The following ASTN1 variants were observed in gnomAD, a reference collection of about 807,000 sequenced individuals.
ASTN1 encodes the protein astrotactin 1, also known as astrotactin-1.
A neutral mutation model predicts 140.7 loss-of-function variants in ASTN1; 41 were observed. The observed-to-expected ratio is 0.29, with a 90% CI of 0.23 to 0.38. ASTN1 has a LOEUF of 0.38. ASTN1 is among the 10% of genes least tolerant of loss of function. The pLI is 1.00. For missense variants in ASTN1, 1,479 were observed against 1,678.8 expected, an observed-to-expected ratio of 0.88 and a Z score of 2.08; for synonymous variants, 640 against 652.2, an observed-to-expected ratio of 0.98 and a Z score of 0.29.
intron 8 of ASTN1, among the ~76,000 whole-genome samples, chr1:176,972,104 C>T (rs1056175325): frequency 7.2e-5 from 11 of 152,144 alleles, no homozygotes; most frequent in African/African-American, 2.4e-4. Flanking sequence ...AATTATAATA[C>T]AATGGTAAAT....
downstream of ASTN1, among the ~76,000 whole-genome samples, chr1:176,859,847 A>G (rs1447050944): frequency 6.6e-6 from 1 of 152,236 alleles, no homozygotes; most frequent in African/African-American, 2.4e-5. Flanking sequence ...ATTATGTTAC[A>G]TAATTTGGTG....
intron 1 of ASTN1, among the ~76,000 whole-genome samples, chr1:177,129,643 T>C (rs115570501): frequency 1.3e-5 from 2 of 152,338 alleles, no homozygotes; most frequent in South Asian, 2.1e-4. Flanking sequence ...TCATGCTATA[T>C]TCTCTTCCTT....
rs533309337 is a variant in ASTN1 at position 176,971,289 on chromosome 1, T to C, written c.1524-6052A>G. 2.0e-5 allele frequency among the ~76,000 whole-genome samples: 3 copies of C among 152,304 alleles called. No homozygotes were observed. The South Asian group carries it at 6.2e-4, about 32-fold the overall frequency. On this transcript the variant is annotated intron_variant, in intron 8 of 22. Transcript: ENST00000361833. ...CACATGCCTCAATTTATCCTAATGATAAGATGGGGAGATTATTACATGTCA... is the reference window on the plus strand; with the variant it reads ...CACATGCCTCAATTTATCCTAATGACAAGATGGGGAGATTATTACATGTCA...
chr1:176,999,269 T>C (rs1432310759), intron 8 of ASTN1, among the ~76,000 whole-genome samples: 1 of 152,128 alleles, frequency 6.6e-6, no homozygotes, highest in Non-Finnish European at 1.5e-5. Context: ...AATCCAAAGA[T>C]GTCTAGGAGC....
chr1:177,153,606 C>T (rs1409253798), intron 1 of ASTN1, among the ~76,000 whole-genome samples: 2 of 152,068 alleles, frequency 1.3e-5, no homozygotes, highest in Non-Finnish European at 2.9e-5. Flanking sequence ...ATGATGAATA[C>T]TTCTATAACT....
At chr1:177,133,998 T>C (rs1400008144) in intron 1 of ASTN1, among the ~76,000 whole-genome samples, 1 of 152,186 alleles carries the variant, frequency 6.6e-6, no homozygotes, top group Non-Finnish European at 1.5e-5. Context: ...CCTACAGTAG[T>C]CACCCAGGGA....
chr1:176,965,136 T>A (rs1184438876), intron 9 of ASTN1, 27 bp downstream of exon 9: 3 of 1,607,510 alleles, frequency 1.9e-6, no homozygotes, highest in Admixed American at 3.3e-5. Flanking sequence ...CAGACGTACA[T>A]AAGCAAGTCC....
At chr1:176,859,249 G>T (rs908285291), downstream of ASTN1, among the ~76,000 whole-genome samples, 7 of 152,004 alleles carry the variant, frequency 4.6e-5, no homozygotes, top group Admixed American at 4.6e-4. Context: ...TTCCTATCTG[G>T]GCTCTAAGGT....
intron 1 of ASTN1, among the ~76,000 whole-genome samples, chr1:177,145,944 T>C (rs545610333): frequency 4.7e-4 from 71 of 152,282 alleles, no homozygotes; most frequent in African/African-American, 1.7e-3. Flanking sequence ...TAAAAATTAT[T>C]GAGAATCACA....
intron 11 of ASTN1, among the ~76,000 whole-genome samples, chr1:176,952,435 C>A (rs1173813782): frequency 6.6e-6 from 1 of 152,014 alleles, no homozygotes; most frequent in Non-Finnish European, 1.5e-5. Context: ...ATTATCCCTA[C>A]TGCACTGGAA....
Position 177,023,412 on chromosome 1 carries a change from G to A in ASTN1, c.1430C>T (p.Pro477Leu), listed in dbSNP as rs1161068737. Residue 477 changes from proline to leucine, a missense_variant, in exon 7 of 23, where the codon CCC (proline) becomes CTC (leucine). Transcript: ENST00000361833. ...LLDPCEHQCD[P>L]ETGECLCYEG... ...CCGGTGCTCCCGCCTACCAGTTTCG[G>A]GGTCACATTGGTGTTCACAGGGGTC... 3 of 1,593,158 alleles carry A rather than the reference G, an allele frequency of 1.9e-6. No individual in the cohort carries two copies. The Admixed American group carries it at 5.3e-5, about 28-fold the overall frequency.
chr1:177,145,091 G>C (rs1162602607), intron 1 of ASTN1, among the ~76,000 whole-genome samples: 2 of 152,128 alleles, frequency 1.3e-5, no homozygotes, highest in African/African-American at 4.8e-5. Flanking sequence ...CTAAGATTTT[G>C]AGAAACTCAG....
rs564973581 is a variant in ASTN1 at position 177,024,181 on chromosome 1, A to T, written c.1270+402T>A. Among the ~76,000 whole-genome samples, 113 of 152,282 alleles carry T rather than the reference A, an allele frequency of 7.4e-4. 2 individuals carry two copies. The Middle Eastern group carries it at 0.014, about 18-fold the overall frequency. On this transcript the variant is annotated intron_variant, in intron 6 of 22. Coordinates refer to ENST00000361833, the MANE Select transcript of ASTN1 (RefSeq NM_004319.3). ...TTACAGCAAGTTACTGCAATTAGGAATTTCTCACCCAGGCATACAAAACCA... is the reference window on the plus strand; with the variant it reads ...TTACAGCAAGTTACTGCAATTAGGATTTTCTCACCCAGGCATACAAAACCA...
At chr1:176,875,957 T>C (rs1471358132) in intron 21 of ASTN1, among the ~76,000 whole-genome samples, 1 of 152,184 alleles carries the variant, frequency 6.6e-6, no homozygotes, top group African/African-American at 2.4e-5. Context: ...GTGCAATGGA[T>C]GTTGACTGAA....
At chr1:176,926,640 G>T (rs1450512931) in intron 16 of ASTN1, among the ~76,000 whole-genome samples, 1 of 152,206 alleles carries the variant, frequency 6.6e-6, no homozygotes, top group East Asian at 1.9e-4. Context: ...TAATCATTTA[G>T]AGAAAATAAC....
In ASTN1 at chr1:177,030,908, T is replaced by G. The variant is rs564938259; in HGVS notation, c.910A>C (p.Asn304His). 2 of 1,614,152 alleles carry G rather than the reference T, an allele frequency of 1.2e-6. No homozygotes were observed. The highest frequency in any genetic ancestry group is 1.3e-5 in the African/African-American group (1 of 75,026). The change falls in exon 4 of 23, where the codon AAT becomes CAT. Residue 304 changes from asparagine to histidine, a missense_variant. Coordinates refer to ENST00000361833, the MANE Select transcript of ASTN1 (RefSeq NM_004319.3). ...KLSLMNKYKD[N>H]IIATSPVDSN... ...TCCACAGGGCTAGTGGCTATAATAT[T>G]ATCTTTATACTTGTTCATCAGTGAC...
intron 12 of ASTN1, among the ~76,000 whole-genome samples, chr1:176,947,054 A>T (rs1671989891): frequency 6.6e-6 from 1 of 152,234 alleles, no homozygotes; most frequent in Non-Finnish European, 1.5e-5. Flanking sequence ...TGTTATAATA[A>T]GATAAAGAAC....
intron 1 of ASTN1, among the ~76,000 whole-genome samples, chr1:177,153,080 A>T (rs943174739): frequency 2.0e-5 from 3 of 152,150 alleles, no homozygotes; most frequent in Admixed American, 2.0e-4. Context: ...TTAAAATTTG[A>T]TCCCCAATGT....
Position 176,957,602 on chromosome 1 carries a change from A to G in ASTN1, c.1887+76T>C, listed in dbSNP as rs957387920. 5.2e-6 allele frequency: 8 copies of G among 1,540,418 alleles called. No homozygotes were observed. In the African/African-American group the frequency reaches 9.6e-5, roughly 19 times the overall value. On this transcript the variant is annotated intron_variant, in intron 11 of 22. Transcript: ENST00000361833. Reference sequence around the variant, plus strand: ...GATCACAGCACATTTTTCCCTATGTATCTGTATTGTGTCTTCCCCCGTGCC... The same window carrying G: ...GATCACAGCACATTTTTCCCTATGTGTCTGTATTGTGTCTTCCCCCGTGCC...
Sources: gnomAD v4.1 joint callset for allele counts (sites outside exome capture counted in the v4.1 genomes callset) on GRCh38, gnomAD v4.1.1 for gene constraint, MANE v1.5 for transcripts, NCBI Gene and HGNC (gene_info 2026-07-23, HGNC 2026-07-21) for gene names.